PPARGC1A: variants seen among roughly 807,000 people sequenced by gnomAD.
The protein encoded by PPARGC1A is peroxisome proliferator-activated receptor gamma coactivator 1-alpha.
PPARGC1A carries 25 observed loss-of-function variants against 88.7 expected under a neutral mutation model. The ratio of observed to expected loss-of-function variants is 0.28; its 90% CI spans 0.21 to 0.39. PPARGC1A has a LOEUF of 0.39. Ranked by LOEUF, PPARGC1A falls within the 10% of genes least tolerant of loss-of-function variation. PPARGC1A has a pLI of 1.00. For missense variants in PPARGC1A, 880 were observed against 968.7 expected, an observed-to-expected ratio of 0.91 and a Z score of 1.22; for synonymous variants, 363 against 355.6, an observed-to-expected ratio of 1.02 and a Z score of -0.24.
intron 1 of PPARGC1A, among the ~76,000 whole-genome samples, chr4:23,898,332 A>T (rs1718857497): frequency 6.6e-6 from 1 of 152,202 alleles, no homozygotes; most frequent in Non-Finnish European, 1.5e-5. Flanking sequence ...GACTCTATTG[A>T]GCAAGAGGTA....
chr4:23,942,069 T>C, the PPARGC1A span, among the ~76,000 whole-genome samples: 1 of 151,460 alleles, frequency 6.6e-6, no homozygotes, highest in Non-Finnish European at 1.5e-5. Context: ...CTGTGAAAGA[T>C]AGTGGGAAAA....
the PPARGC1A span, among the ~76,000 whole-genome samples, chr4:24,025,124 G>T: frequency 6.6e-6 from 1 of 152,172 alleles, no homozygotes; most frequent in Admixed American, 6.5e-5. Flanking sequence ...TGGTGAAAAT[G>T]ATCCCTAGTC....
At chr4:24,303,341 G>A in the PPARGC1A span, among the ~76,000 whole-genome samples, 1 of 152,168 alleles carries the variant, frequency 6.6e-6, no homozygotes, top group Non-Finnish European at 1.5e-5. Context: ...AACACACGCA[G>A]TACATCTGAA....
At chr4:24,119,916 A>G in the PPARGC1A span, among the ~76,000 whole-genome samples, 1 of 152,128 alleles carries the variant, frequency 6.6e-6, no homozygotes, top group Non-Finnish European at 1.5e-5. Flanking sequence ...AAGCTTTATT[A>G]GCCATCATAA....
At chr4:23,804,874 T>G (rs1249034012) in intron 10 of PPARGC1A, among the ~76,000 whole-genome samples, 1 of 152,184 alleles carries the variant, frequency 6.6e-6, no homozygotes, top group African/African-American at 2.4e-5. Flanking sequence ...ACATTTTTTC[T>G]GAGACTTGCA....
chr4:23,857,805 G>A lies in PPARGC1A; in HGVS notation c.235-26054C>T, dbSNP rs145755796. 3.5e-3 allele frequency among the ~76,000 whole-genome samples: 526 copies of A among 151,648 alleles called. 1 individual carries two copies. The highest frequency in any genetic ancestry group is 6.0e-3 in the Non-Finnish European group (408 of 67,974). ...GGGAAAACCTATTGACATTTGAATC[G>A]TGATGAGACTCCTCTTGCAGTTTAG... On this transcript the variant is annotated intron_variant, in intron 2 of 12. Coordinates refer to ENST00000264867, the MANE Select transcript of PPARGC1A (RefSeq NM_013261.5).
the PPARGC1A span, among the ~76,000 whole-genome samples, chr4:24,399,506 C>A: frequency 6.6e-6 from 1 of 152,126 alleles, no homozygotes; most frequent in African/African-American, 2.4e-5. Flanking sequence ...CCAGGAAAAA[C>A]CTTACACTTC....
chr4:24,077,019 GC>G, the PPARGC1A span, among the ~76,000 whole-genome samples: 43 of 151,284 alleles, frequency 2.8e-4, 1 homozygote, highest in Admixed American at 6.6e-5. Flanking sequence ...TTGGCTCAAT[GC>G]CAAAAAAAAG....
At chr4:24,233,585 TACACACACACACACACAC>T in the PPARGC1A span, among the ~76,000 whole-genome samples, 10 of 149,326 alleles carry the variant, frequency 6.7e-5, no homozygotes, top group South Asian at 4.3e-4. Context: ...CACAAACACA[TACACACACACACACACAC>T]ACACACACAC....
the PPARGC1A span, among the ~76,000 whole-genome samples, chr4:24,157,052 G>C: frequency 1.3e-5 from 2 of 152,158 alleles, no homozygotes; most frequent in African/African-American, 4.8e-5. Flanking sequence ...AGGCTGTATA[G>C]GGTTGTGGTT....
the PPARGC1A span, among the ~76,000 whole-genome samples, chr4:24,025,848 G>A: frequency 3.9e-5 from 6 of 152,080 alleles, no homozygotes; most frequent in African/African-American, 1.4e-4. Context: ...ATTCAATGGG[G>A]AAAGGAGGAG....
the PPARGC1A span, among the ~76,000 whole-genome samples, chr4:24,170,956 C>G: frequency 2.0e-5 from 3 of 152,174 alleles, no homozygotes; most frequent in African/African-American, 7.2e-5. Context: ...CTGGCTGATT[C>G]TTGTGTGTGT....
At chr4:23,905,842 T>A (rs550666963), upstream of PPARGC1A, among the ~76,000 whole-genome samples, 18 of 152,318 alleles carry the variant, frequency 1.2e-4, no homozygotes, top group African/African-American at 4.3e-4. Flanking sequence ...TTCTTAATGA[T>A]CAGGCTATGC....
chr4:24,242,511 C>T, the PPARGC1A span, among the ~76,000 whole-genome samples: 3 of 152,160 alleles, frequency 2.0e-5, no homozygotes, highest in East Asian at 5.8e-4. Context: ...GTCACGATCT[C>T]CATAAAGTCT....
chr4:24,272,082 G>C, the PPARGC1A span, among the ~76,000 whole-genome samples: 5 of 152,004 alleles, frequency 3.3e-5, no homozygotes, highest in African/African-American at 1.2e-4. Flanking sequence ...TTTCTCCTCT[G>C]TTTACTCCTT....
chr4:24,175,306 T>A, the PPARGC1A span, among the ~76,000 whole-genome samples: 1 of 151,982 alleles, frequency 6.6e-6, no homozygotes. Flanking sequence ...TGATCCCATT[T>A]TGTGATAACA....
the PPARGC1A span, among the ~76,000 whole-genome samples, chr4:24,431,729 C>T: frequency 6.6e-6 from 1 of 152,192 alleles, no homozygotes; most frequent in Non-Finnish European, 1.5e-5. Context: ...GTTTCCTCCA[C>T]TAGAATAAAA....
At chr4:24,138,357 C>G in the PPARGC1A span, among the ~76,000 whole-genome samples, 1 of 152,166 alleles carries the variant, frequency 6.6e-6, no homozygotes, top group African/African-American at 2.4e-5. Context: ...GTTTTAAGAG[C>G]CAGAACCAAA....
At chr4:24,048,309 A>G in the PPARGC1A span, among the ~76,000 whole-genome samples, 1 of 152,164 alleles carries the variant, frequency 6.6e-6, no homozygotes, top group Non-Finnish European at 1.5e-5. Context: ...GCATTACAGG[A>G]TGACTCTTCT....
Sources: gnomAD v4.1 joint callset for allele counts (sites outside exome capture counted in the v4.1 genomes callset) on GRCh38, gnomAD v4.1.1 for gene constraint, MANE v1.5 for transcripts, NCBI Gene and HGNC (gene_info 2026-07-23, HGNC 2026-07-21) for gene names.